The following GRID2 variants were observed in gnomAD, a reference collection of about 807,000 sequenced individuals.
The protein encoded by GRID2 is glutamate ionotropic receptor delta type subunit 2.
GRID2 carries 33 observed loss-of-function variants against 114.8 expected under a neutral mutation model. The ratio of observed to expected loss-of-function variants is 0.29; its 90% CI spans 0.22 to 0.38. GRID2 has a LOEUF of 0.38. GRID2 is among the 10% of genes least tolerant of loss of function. GRID2 has a pLI of 1.00. For missense variants in GRID2, 1,184 were observed against 1,257.7 expected, an observed-to-expected ratio of 0.94 and a Z score of 0.89; for synonymous variants, 505 against 449.9, an observed-to-expected ratio of 1.12 and a Z score of -1.55.
intron 2 of GRID2, among the ~76,000 whole-genome samples, chr4:92,700,298 C>A (rs1459311595): frequency 1.3e-5 from 2 of 152,158 alleles, no homozygotes; most frequent in Non-Finnish European, 2.9e-5. Context: ...CTCTCCTTGT[C>A]ATTTGGCTAG....
chr4:92,709,369 G>A lies in GRID2; in HGVS notation c.244+119083G>A, dbSNP rs1319763053. Among the ~76,000 whole-genome samples, 27 of 151,758 alleles carry A rather than the reference G, an allele frequency of 1.8e-4. No homozygotes were observed. In the East Asian group the frequency reaches 4.1e-3, roughly 23 times the overall value. The stretch of plus-strand genomic sequence containing the variant: ...CCACTGTGCTTTATACTGGTGATAC[G>A]AAGATGATTAAGATAAATCAGCTGC... On this transcript the variant is annotated intron_variant, in intron 2 of 15. Coordinates refer to ENST00000282020, the MANE Select transcript of GRID2 (RefSeq NM_001510.4).
intron 2 of GRID2, among the ~76,000 whole-genome samples, chr4:92,610,312 T>C (rs1160554847): frequency 6.6e-6 from 1 of 151,474 alleles, no homozygotes; most frequent in Non-Finnish European, 1.5e-5. Context: ...TAGAGAAGAG[T>C]TGCCCTGGCT....
At chr4:93,681,826 C>G (rs1432654914) in intron 14 of GRID2, among the ~76,000 whole-genome samples, 3 of 151,950 alleles carry the variant, frequency 2.0e-5, no homozygotes, top group African/African-American at 7.3e-5. Context: ...CCATAAAAAC[C>G]CTAGAAGAAA....
intron 13 of GRID2, among the ~76,000 whole-genome samples, chr4:93,553,889 T>C (rs560431815): frequency 6.6e-6 from 1 of 152,314 alleles, no homozygotes; most frequent in East Asian, 1.9e-4. Flanking sequence ...ATGGATATTA[T>C]ACTTACTCAA....
At position 93,137,966 on chromosome 4, in the gene GRID2, G is replaced by GTTTTTTT. The variant is rs753814961; in HGVS notation, c.735+27031_735+27037dup. Among the ~76,000 whole-genome samples the GTTTTTTT allele has an allele frequency of 7.5e-4, 59 of 78,396 alleles. 3 individuals are homozygous for GTTTTTTT. Among genetic ancestry groups the GTTTTTTT allele is most frequent in the Non-Finnish European group, 9.6e-4 (40 of 41,826 alleles). 51.4% of individuals were successfully genotyped at this position (78,396 alleles called of 152,430 possible). The stretch of plus-strand genomic sequence containing the variant: ...AAAGTCTAGCAAGAATTTTTTCTTC[G>GTTTTTTT]TTTTTTTTTTTTTTTTTTTTTTTTG... On this transcript the variant is annotated intron_variant, in intron 4 of 15. Transcript: ENST00000282020.
chr4:92,416,809 T>A (rs1160851110), intron 1 of GRID2, among the ~76,000 whole-genome samples: 1 of 152,134 alleles, frequency 6.6e-6, no homozygotes, highest in Non-Finnish European at 1.5e-5. Flanking sequence ...AACTATAGCT[T>A]GTAGTATAGT....
intron 13 of GRID2, among the ~76,000 whole-genome samples, chr4:93,589,726 C>A (rs1166456829): frequency 6.6e-6 from 1 of 152,082 alleles, no homozygotes; most frequent in East Asian, 1.9e-4. Flanking sequence ...CGTTTCCTGA[C>A]TTTTTAATGA....
rs537238551 is a variant in GRID2 at position 93,229,644 on chromosome 4, T to C, written c.1125+4869T>C. On this transcript the variant is annotated intron_variant, in intron 7 of 15. Transcript: ENST00000282020. ...ATGCCTATATTAAGGGCACGCTACA[T>C]ACACATTAAAAATCCGTGTGCTGCT... is the stretch of plus-strand genomic sequence containing the variant. Among the ~76,000 whole-genome samples, 5 of 152,296 alleles carry C rather than the reference T, an allele frequency of 3.3e-5. No homozygotes were observed. The South Asian group carries it at 1.0e-3, about 32-fold the overall frequency.
intron 1 of GRID2, among the ~76,000 whole-genome samples, chr4:92,543,662 A>G (rs914947983): frequency 2.0e-5 from 3 of 152,286 alleles, no homozygotes; most frequent in African/African-American, 7.2e-5. Flanking sequence ...TGCTGAATGA[A>G]TGAATGAATG....
chr4:93,534,039 T>C (rs1437076629), intron 13 of GRID2, among the ~76,000 whole-genome samples: 1 of 152,076 alleles, frequency 6.6e-6, no homozygotes, highest in Non-Finnish European at 1.5e-5. Context: ...ACTCCCCTTT[T>C]CACTGGCTGT....
At chr4:93,193,305 C>T (rs142678388) in intron 4 of GRID2, among the ~76,000 whole-genome samples, 2,233 of 152,114 alleles carry the variant, frequency 0.015, 54 homozygotes, top group African/African-American at 0.051. Context: ...GCTGTGTCCC[C>T]ACCCAAATCT....
chr4:93,373,329 C>T (rs1165306796), intron 8 of GRID2, among the ~76,000 whole-genome samples: 2 of 151,576 alleles, frequency 1.3e-5, no homozygotes, highest in African/African-American at 4.8e-5. Context: ...TCCAGGACAA[C>T]CTAGAAAAAA....
At chr4:93,449,334 C>T (rs1437719680) in intron 10 of GRID2, among the ~76,000 whole-genome samples, 1 of 151,760 alleles carries the variant, frequency 6.6e-6, no homozygotes, top group African/African-American at 2.4e-5. Context: ...TGAAGTGATA[C>T]GTGAATTACT....
chr4:93,555,113 C>T (rs889640631), intron 13 of GRID2, among the ~76,000 whole-genome samples: 41 of 152,184 alleles, frequency 2.7e-4, no homozygotes, highest in African/African-American at 9.4e-4. Context: ...TCGCAACCTG[C>T]AGACCAGGAG....
chr4:92,926,283 C>T (rs1341379454), intron 2 of GRID2, among the ~76,000 whole-genome samples: 11 of 151,890 alleles, frequency 7.2e-5, no homozygotes, highest in Non-Finnish European at 1.0e-4. Context: ...GGTTAATTTA[C>T]GGTTATGTAG....
At chr4:93,626,683 A>G (rs551602764) in intron 14 of GRID2, among the ~76,000 whole-genome samples, 38 of 152,366 alleles carry the variant, frequency 2.5e-4, no homozygotes, top group African/African-American at 8.9e-4. Flanking sequence ...TACTCTCAAA[A>G]AATTGACATG....
At position 92,472,095 on chromosome 4, in the gene GRID2, A is replaced by G. The variant is rs1177466134; in HGVS notation, c.89-118036A>G. On this transcript the variant is annotated intron_variant, in intron 1 of 15. Coordinates refer to ENST00000282020, the MANE Select transcript of GRID2 (RefSeq NM_001510.4). ...ACTACAGGCGCCCGCCACTACGCCC[A>G]GCTAATTTTTTGTATTTTTAGTAGA... 6.1e-5 allele frequency among the ~76,000 whole-genome samples: 7 copies of G among 115,218 alleles called. 2 individuals are homozygous for G. The highest frequency in any genetic ancestry group is 2.2e-4 in the East Asian group (1 of 4,518). The allele number at this position is 115,218 out of a possible 152,430, so 75.6% of individuals were successfully genotyped here. A position where few individuals can be genotyped will look rare whatever the true frequency, so the allele number is the denominator to read the frequency against.
chr4:92,454,134 TCTG>T (rs1304923683), intron 1 of GRID2, among the ~76,000 whole-genome samples: 3 of 152,210 alleles, frequency 2.0e-5, no homozygotes, highest in Non-Finnish European at 2.9e-5. Context: ...CATTGTTTTC[TCTG>T]CTATTACTTA....
At chr4:93,451,700 G>A (rs1722703138) in intron 10 of GRID2, among the ~76,000 whole-genome samples, 2 of 152,048 alleles carry the variant, frequency 1.3e-5, no homozygotes. Context: ...ACAAGGAGCT[G>A]GAGCCTAGGA....
Sources: gnomAD v4.1 joint callset for allele counts (sites outside exome capture counted in the v4.1 genomes callset) on GRCh38, gnomAD v4.1.1 for gene constraint, MANE v1.5 for transcripts, NCBI Gene and HGNC (gene_info 2026-07-23, HGNC 2026-07-21) for gene names.